Variants in MAP3K5 observed in about 807,000 individuals in gnomAD.
The protein encoded by MAP3K5 is ASK-1.
A neutral mutation model predicts 158.7 loss-of-function variants in MAP3K5; 56 were observed. The ratio of observed to expected loss-of-function variants is 0.35; its 90% CI spans 0.28 to 0.44. The LOEUF (loss-of-function observed/expected upper bound fraction) is 0.44. MAP3K5 is among the 20% of genes least tolerant of loss of function. The pLI is 1.00. For synonymous variants in MAP3K5, 579 were observed against 601.7 expected (o/e 0.96, Z 0.55); for missense variants, 1,294 against 1,674.8 (o/e 0.77, Z 3.97).
chr6:136,610,043 T>TA (rs1447409361), intron 18 of MAP3K5, among the ~76,000 whole-genome samples: 5 of 151,990 alleles, frequency 3.3e-5, no homozygotes, highest in Non-Finnish European at 7.4e-5. Context: ...AAAATGGAGG[T>TA]ACTCCCACCT....
intron 25 of MAP3K5, among the ~76,000 whole-genome samples, chr6:136,575,403 A>G (rs1364233665): frequency 1.3e-5 from 2 of 151,912 alleles, no homozygotes; most frequent in South Asian, 2.1e-4. Flanking sequence ...GGCTCAAGCA[A>G]TCCTCCCACC....
chr6:136,719,830 C>T (rs1781676432), intron 2 of MAP3K5, among the ~76,000 whole-genome samples: 1 of 152,168 alleles, frequency 6.6e-6, no homozygotes, highest in African/African-American at 2.4e-5. Context: ...TTCAAAGAAT[C>T]ACACAGTGTA....
intron 19 of MAP3K5, among the ~76,000 whole-genome samples, chr6:136,602,312 T>G (rs1191978648): frequency 6.6e-6 from 1 of 152,100 alleles, no homozygotes; most frequent in Non-Finnish European, 1.5e-5. Context: ...CTTTCTTTCT[T>G]TTTTTTGAGA....
intron 2 of MAP3K5, among the ~76,000 whole-genome samples, chr6:136,712,589 A>C (rs1480944043): frequency 6.6e-6 from 1 of 152,182 alleles, no homozygotes. Context: ...AAGTGCATGT[A>C]TTACTTTTCT....
At chr6:136,667,404 C>T (rs1021501621) in intron 8 of MAP3K5, among the ~76,000 whole-genome samples, 7 of 151,936 alleles carry the variant, frequency 4.6e-5, no homozygotes, top group Admixed American at 2.0e-4. Flanking sequence ...GTACCTTCTC[C>T]GATTTCACTG....
rs146711750 is a variant in MAP3K5 at position 136,744,380 on chromosome 6, C to CATAT, written c.449-23795_449-23792dup. Among the ~76,000 whole-genome samples the CATAT allele has an allele frequency of 9.3e-3, 1,414 of 151,514 alleles. 26 individuals carry two copies. Among genetic ancestry groups the CATAT allele is most frequent in the African/African-American group, 0.032 (1,306 of 41,026 alleles). ...ACACGTGTGTGTACATACATATATA[C>CATAT]ATATATATATGTATATATGAGAACC... is the stretch of plus-strand genomic sequence containing the variant. On this transcript the variant is annotated intron_variant, in intron 1 of 29. Coordinates refer to ENST00000359015, the MANE Select transcript of MAP3K5 (RefSeq NM_005923.4).
intron 1 of MAP3K5, among the ~76,000 whole-genome samples, chr6:136,750,367 C>T (rs533272368): frequency 3.9e-5 from 6 of 152,258 alleles, no homozygotes; most frequent in African/African-American, 1.4e-4. Flanking sequence ...CGTGAGCCAC[C>T]GCACCCAGCC....
intron 3 of MAP3K5, 114 bp downstream of exon 3, chr6:136,704,996 G>C: frequency 1.8e-6 from 1 of 553,404 alleles, no homozygotes; most frequent in South Asian, 2.2e-5. Flanking sequence ...AAAATCTAAA[G>C]AGGAAAAATA....
At chr6:136,654,443 TTTTA>T (rs1037036961) in intron 10 of MAP3K5, among the ~76,000 whole-genome samples, 2 of 152,284 alleles carry the variant, frequency 1.3e-5, no homozygotes, top group East Asian at 1.9e-4. Context: ...TTTTATTTTG[TTTTA>T]TTTATTTATT....
At chr6:136,720,209 C>T (rs1163001875) in intron 2 of MAP3K5, among the ~76,000 whole-genome samples, 1 of 152,154 alleles carries the variant, frequency 6.6e-6, no homozygotes, top group Non-Finnish European at 1.5e-5. Context: ...TTAACACAGT[C>T]TCCTCCGCTA....
chr6:136,633,226 C>T (rs1777457596), intron 14 of MAP3K5, among the ~76,000 whole-genome samples: 1 of 151,820 alleles, frequency 6.6e-6, no homozygotes, highest in South Asian at 2.1e-4. Context: ...TGGTGAAACC[C>T]TGTCTCTACT....
chr6:136,560,785 A>AT (rs907743401), intron 28 of MAP3K5, among the ~76,000 whole-genome samples: 225 of 149,456 alleles, frequency 1.5e-3, no homozygotes, highest in African/African-American at 4.9e-3. Flanking sequence ...CTATCTCTAA[A>AT]TTTTTTTTTT....
intron 7 of MAP3K5, among the ~76,000 whole-genome samples, chr6:136,689,525 C>T (rs545096503): frequency 4.6e-5 from 7 of 152,118 alleles, no homozygotes; most frequent in Non-Finnish European, 8.8e-5. Flanking sequence ...GAAGCTTAAT[C>T]CCCAATGCAA....
intron 3 of MAP3K5, among the ~76,000 whole-genome samples, chr6:136,699,958 G>T (rs528315108): frequency 3.3e-5 from 5 of 152,210 alleles, no homozygotes; most frequent in Admixed American, 6.5e-5. Context: ...TCCAGGTGGG[G>T]TGGTGCACGC....
At chr6:136,710,438 T>C (rs1781260570) in intron 2 of MAP3K5, among the ~76,000 whole-genome samples, 1 of 152,122 alleles carries the variant, frequency 6.6e-6, no homozygotes, top group African/African-American at 2.4e-5. Flanking sequence ...TTCAAAAAAA[T>C]TCTTTTCCTG....
chr6:136,792,326 C>A lies in MAP3K5; in HGVS notation c.-169G>T. 9.8e-7 allele frequency: 1 copy of A among 1,023,498 alleles called. No individual in the cohort carries two copies. 63.4% of individuals were successfully genotyped at this position (1,023,498 alleles called of 1,614,324 possible). On this transcript the variant is annotated 5_prime_UTR_variant, in exon 1 of 30. Coordinates refer to ENST00000359015, the MANE Select transcript of MAP3K5 (RefSeq NM_005923.4). This position sits in a 1 kb window ranked among gnomAD's most constrained non-coding sequence, Gnocchi z 5.7. ...TCTCCGGCGCCCTCTCCCCCGAGGG[C>A]ACGCCGCTGCCCGGCGGCGGCTCGC...
At chr6:136,700,837 A>C (rs1285634737) in intron 3 of MAP3K5, among the ~76,000 whole-genome samples, 2 of 152,222 alleles carry the variant, frequency 1.3e-5, no homozygotes, top group Admixed American at 1.3e-4. Context: ...GAGGCTGAGA[A>C]CTAGAAAGAG....
rs547147317 is a variant in MAP3K5 at position 136,567,154 on chromosome 6, T to C, written c.3761+477A>G. Among the ~76,000 whole-genome samples the C allele has an allele frequency of 3.3e-5, 5 of 152,326 alleles. No homozygotes were observed. The South Asian group carries it at 8.3e-4, about 25-fold the overall frequency. ...ATGTTACAGCATATCAAAAATAAAATAGAATCATAAATGTGGTCAATTATC... is the reference window on the plus strand; with the variant it reads ...ATGTTACAGCATATCAAAAATAAAACAGAATCATAAATGTGGTCAATTATC... On this transcript the variant is annotated intron_variant, in intron 26 of 29. Transcript: ENST00000359015.
Position 136,613,062 on chromosome 6 carries a change from G to C in MAP3K5, c.2415+58C>G, listed in dbSNP as rs985650123. On this transcript the variant is annotated intron_variant, in intron 17 of 29. Coordinates refer to ENST00000359015, the MANE Select transcript of MAP3K5 (RefSeq NM_005923.4). This position sits in a 1 kb window ranked among gnomAD's most constrained non-coding sequence, Gnocchi z 4.0. ...TCATAACACAATATGACTTTTGCAA[G>C]TAAAATAATAACCCAGCAAAGAAAG... is the stretch of plus-strand genomic sequence containing the variant. 4 of 1,506,500 alleles carry C rather than the reference G, an allele frequency of 2.7e-6. No individual in the cohort carries two copies. The highest frequency in any genetic ancestry group is 1.4e-5 in the African/African-American group (1 of 71,532). The allele number at this position is 1,506,500 out of a possible 1,614,324, so 93.3% of individuals were successfully genotyped here. A position where few individuals can be genotyped will look rare whatever the true frequency, so the allele number is the denominator to read the frequency against.
Sources: allele counts gnomAD v4.1 joint callset (sites outside exome capture counted in the v4.1 genomes callset), GRCh38; gene constraint gnomAD v4.1.1; non-coding constraint Gnocchi (gnomAD v3.1); transcripts MANE v1.5; gene names NCBI Gene and HGNC (gene_info 2026-07-23, HGNC 2026-07-21).